The following ERCC6L2 variants were observed in gnomAD, a reference collection of about 807,000 sequenced individuals.
The protein encoded by ERCC6L2 is ERCC excision repair 6 like 2.
ERCC6L2 carries 77 observed loss-of-function variants against 132.0 expected under a neutral mutation model. That is an observed-to-expected ratio of 0.58 (90% confidence interval 0.49 to 0.71). The LOEUF (loss-of-function observed/expected upper bound fraction) is 0.71. ERCC6L2 is among the 30% of genes least tolerant of loss of function. ERCC6L2 has a pLI of 0.00. For missense variants in ERCC6L2, 1,542 were observed against 1,837.6 expected (o/e 0.84, Z 2.94); for synonymous variants, 583 against 632.4 (o/e 0.92, Z 1.17).
In ERCC6L2 at chr9:96,012,829, A is replaced by G; in HGVS notation, c.4279A>G (p.Asn1427Asp). The change falls in exon 19 of 19, where the codon AAT (asparagine) becomes GAT (aspartate). Residue 1427 changes from asparagine to aspartate, a missense_variant. Physicochemically the swap from Asn to Asp is conservative, Grantham distance 23. Coordinates refer to ENST00000653738, the MANE Select transcript of ERCC6L2 (RefSeq NM_020207.7). Reference sequence around the variant, plus strand: ...CAAATTGGAAAACAAAAAGATAGAAAATCCAGTGCTGGAAAATACTTCTGT... The same window carrying G: ...CAAATTGGAAAACAAAAAGATAGAAGATCCAGTGCTGGAAAATACTTCTGT... ...LLKLENKKIE[N>D]PVLENTSVIS... 1 of 1,367,572 alleles carries G rather than the reference A, an allele frequency of 7.3e-7. No individual in the cohort carries two copies. Among genetic ancestry groups the G allele is most frequent in the South Asian group, 1.1e-5 (1 of 88,046 alleles). 84.7% of individuals were successfully genotyped at this position (1,367,572 alleles called of 1,614,324 possible). A position where few individuals can be genotyped will look rare whatever the true frequency, so the allele number is the denominator to read the frequency against.
At chr9:95,954,127 G>A (rs376403889) in intron 12 of ERCC6L2, among the ~76,000 whole-genome samples, 1 of 152,176 alleles carries the variant, frequency 6.6e-6, no homozygotes, top group East Asian at 1.9e-4. Context: ...TAAGTAGCTT[G>A]CTCAAGGTCA....
At chr9:95,903,789 T>C (rs1828895452) in intron 3 of ERCC6L2, among the ~76,000 whole-genome samples, 1 of 151,872 alleles carries the variant, frequency 6.6e-6, no homozygotes, top group Non-Finnish European at 1.5e-5. Flanking sequence ...AAATGAAAAA[T>C]AAATTATACC....
At chr9:95,948,636 AC>A (rs1250038881) in intron 12 of ERCC6L2, among the ~76,000 whole-genome samples, 1 of 152,038 alleles carries the variant, frequency 6.6e-6, no homozygotes, top group African/African-American at 2.4e-5. Context: ...CCCAGAAATG[AC>A]CTGAGAAGAC....
chr9:95,948,217 A>AATAAG (rs1412914473), intron 12 of ERCC6L2, among the ~76,000 whole-genome samples: 2 of 152,220 alleles, frequency 1.3e-5, no homozygotes, highest in African/African-American at 2.4e-5. Flanking sequence ...AGGAGTTTGG[A>AATAAG]ATAAGTTGAT....
chr9:95,955,619 G>A (rs1831561161), intron 12 of ERCC6L2, among the ~76,000 whole-genome samples: 1 of 149,894 alleles, frequency 6.7e-6, no homozygotes, highest in Admixed American at 6.6e-5. Context: ...GCTTAAAGCT[G>A]CTATAAAAGA....
At chr9:95,886,008 G>T (rs1031320530) in intron 2 of ERCC6L2, among the ~76,000 whole-genome samples, 1 of 152,020 alleles carries the variant, frequency 6.6e-6, no homozygotes, top group Non-Finnish European at 1.5e-5. Context: ...AATCTTTTTT[G>T]TTGTTGTTCT....
intron 6 of ERCC6L2, among the ~76,000 whole-genome samples, chr9:95,917,649 C>G (rs1829663903): frequency 6.6e-6 from 1 of 152,278 alleles, no homozygotes; most frequent in Admixed American, 6.5e-5. Context: ...CTAGTAGGAA[C>G]AGTACAAAAG....
At chr9:95,888,067 G>GT (rs1827967092) in intron 2 of ERCC6L2, among the ~76,000 whole-genome samples, 6 of 119,684 alleles carry the variant, frequency 5.0e-5, no homozygotes, top group East Asian at 3.1e-4. Context: ...AGCACTTTGT[G>GT]GTTTTTTTTT....
chr9:95,899,760 A>C (rs933054356), intron 3 of ERCC6L2, among the ~76,000 whole-genome samples: 1 of 151,798 alleles, frequency 6.6e-6, no homozygotes, highest in Non-Finnish European at 1.5e-5. Context: ...AGTCCTTGAT[A>C]TAAAATAGTG....
In ERCC6L2 at chr9:95,946,192, A is replaced by C. The variant is rs550866011; in HGVS notation, c.1847+4643A>C. Among the ~76,000 whole-genome samples, 24 of 152,292 alleles carry C rather than the reference A, an allele frequency of 1.6e-4. No homozygotes were observed. In the South Asian group the frequency reaches 4.6e-3, roughly 29 times the overall value. On this transcript the variant is annotated intron_variant, in intron 12 of 18. Transcript: ENST00000653738. ...CTCTTATATATGATGAGAAACAGACAAATCCACAACTATAATGGGAAACTC... is the reference window on the plus strand; with the variant it reads ...CTCTTATATATGATGAGAAACAGACCAATCCACAACTATAATGGGAAACTC...
At chr9:95,921,430 C>A in intron 7 of ERCC6L2, 115 bp downstream of exon 7, 2 of 720,424 alleles carry the variant, frequency 2.8e-6, no homozygotes, top group East Asian at 3.3e-5. Flanking sequence ...TTCTTTAAAG[C>A]TATGTCTTAA....
chr9:95,915,448 A>G (rs1284268422), intron 4 of ERCC6L2, among the ~76,000 whole-genome samples: 2 of 152,224 alleles, frequency 1.3e-5, no homozygotes, highest in Non-Finnish European at 2.9e-5. Flanking sequence ...TACCATCATT[A>G]AAGAATGTCT....
rs138350157 is a variant in ERCC6L2 at position 95,883,632 on chromosome 9, G to A, written c.471+2339G>A. ...TCCCAGCACTTTGGGAGGCCAAGGC[G>A]GGCGGATCACGAGGTCAAGAGATCA... On this transcript the variant is annotated intron_variant, in intron 2 of 18. Transcript: ENST00000653738. 3.3e-3 allele frequency among the ~76,000 whole-genome samples: 498 copies of A among 152,276 alleles called. 1 individual carries two copies. The highest frequency in any genetic ancestry group is 5.7e-3 in the Non-Finnish European group (387 of 68,020).
intron 17 of ERCC6L2, among the ~76,000 whole-genome samples, chr9:95,981,341 T>C (rs1009992795): frequency 6.6e-6 from 1 of 152,188 alleles, no homozygotes; most frequent in African/African-American, 2.4e-5. Flanking sequence ...TTCAACCATG[T>C]ATCTTAAAAA....
intron 19 of ERCC6L2, among the ~76,000 whole-genome samples, chr9:96,027,499 G>A (rs919764928): frequency 6.6e-6 from 1 of 152,170 alleles, no homozygotes; most frequent in African/African-American, 2.4e-5. Flanking sequence ...CGCCCTGGGA[G>A]AAGGCGGCCC....
In ERCC6L2 at chr9:95,921,071, G is replaced by A. The variant is rs952938951; in HGVS notation, c.1159-104G>A. 1.9e-5 allele frequency: 22 copies of A among 1,133,724 alleles called. No individual in the cohort carries two copies. In the Admixed American group the frequency reaches 2.7e-4, roughly 14 times the overall value. 70.2% of individuals were successfully genotyped at this position (1,133,724 alleles called of 1,614,324 possible). ...ATTACAGGCGTGAGCCTCTGCGCCC[G>A]GCCAGTTTTCACTGTTATAATCTAT... On this transcript the variant is annotated intron_variant, in intron 6 of 18. Coordinates refer to ENST00000653738, the MANE Select transcript of ERCC6L2 (RefSeq NM_020207.7).
chr9:95,928,301 CAG>C (rs1268661839), intron 10 of ERCC6L2, 151 bp downstream of exon 10: 5 of 491,194 alleles, frequency 1.0e-5, no homozygotes, highest in Non-Finnish European at 1.8e-5. Flanking sequence ...AGTTTTTAAA[CAG>C]ACACTAAAAT....
At chr9:95,951,542 G>C (rs1027964153) in intron 12 of ERCC6L2, among the ~76,000 whole-genome samples, 1 of 151,960 alleles carries the variant, frequency 6.6e-6, no homozygotes, top group African/African-American at 2.4e-5. Flanking sequence ...TCAAGAAAAT[G>C]GTGGATAAAT....
At position 96,014,821 on chromosome 9, in the gene ERCC6L2, A is replaced by G. The variant is rs1834143632; in HGVS notation, c.*1618A>G. On this transcript the variant is annotated 3_prime_UTR_variant, in exon 19 of 19. Transcript: ENST00000653738. ...GAGGGGCCTTCTACACAATGAGTGC[A>G]TGATATGGTCCTTGATAGACTTGAC... Among the ~76,000 whole-genome samples the G allele has an allele frequency of 6.6e-6, 1 of 152,200 alleles. No homozygotes were observed. The highest frequency in any genetic ancestry group is 2.1e-4 in the South Asian group (1 of 4,832).
Sources: allele counts gnomAD v4.1 joint callset (sites outside exome capture counted in the v4.1 genomes callset), GRCh38; gene constraint gnomAD v4.1.1; transcripts MANE v1.5; gene names NCBI Gene and HGNC (gene_info 2026-07-23, HGNC 2026-07-21).